The following ATAD2B variants were observed in gnomAD, a reference collection of about 807,000 sequenced individuals.
ATAD2B encodes ATPase family AAA domain containing 2B.
Under a neutral mutation model 167.6 loss-of-function variants are expected in ATAD2B, and 40 were observed. The ratio of observed to expected loss-of-function variants is 0.24; its 90% CI spans 0.19 to 0.31. ATAD2B has a LOEUF of 0.31. Among genes scored for constraint, ATAD2B ranks in the 10% least tolerant of loss-of-function variants. The pLI is 1.00. For synonymous variants in ATAD2B, 579 were observed against 596.5 expected, an observed-to-expected ratio of 0.97 and a Z score of 0.43; for missense variants, 1,242 against 1,757.2, an observed-to-expected ratio of 0.71 and a Z score of 5.24.
chr2:23,784,033 T>C (rs1401224708), intron 21 of ATAD2B, among the ~76,000 whole-genome samples: 2 of 152,064 alleles, frequency 1.3e-5, no homozygotes, highest in Admixed American at 6.6e-5. Context: ...TTTCACCTTT[T>C]AGGAACTGAA....
the ATAD2B span, among the ~76,000 whole-genome samples, chr2:23,709,967 T>C: frequency 6.6e-6 from 1 of 152,208 alleles, no homozygotes; most frequent in Non-Finnish European, 1.5e-5. Flanking sequence ...AAATTGCATT[T>C]TGCCATAAAA....
intron 13 of ATAD2B, among the ~76,000 whole-genome samples, chr2:23,834,674 T>C (rs772877705): frequency 3.3e-5 from 5 of 152,110 alleles, no homozygotes; most frequent in Non-Finnish European, 7.3e-5. Flanking sequence ...CTAAGAATAT[T>C]TGTAAATCAT....
At chr2:23,711,370 TTTTTTTTTTTTTG>T in the ATAD2B span, among the ~76,000 whole-genome samples, 3 of 97,800 alleles carry the variant, frequency 3.1e-5, no homozygotes, top group South Asian at 7.6e-4. Context: ...TTTTTTTTTT[TTTTTTTTTTTTTG>T]GAGACAGAGT....
At position 23,775,133 on chromosome 2, in the gene ATAD2B, T is replaced by C. The variant is rs369978052; in HGVS notation, c.3133+7736A>G. ...TCAGAGATGAAGGGGTACTTACAACTGGAAGGAAATCAGAAAAATCTTTCA... is the reference window on the plus strand; with the variant it reads ...TCAGAGATGAAGGGGTACTTACAACCGGAAGGAAATCAGAAAAATCTTTCA... On this transcript the variant is annotated intron_variant, in intron 22 of 27. Transcript: ENST00000238789. Among the ~76,000 whole-genome samples, 13 of 152,078 alleles carry C rather than the reference T, an allele frequency of 8.5e-5. No individual in the cohort carries two copies. The East Asian group carries it at 2.5e-3, about 29-fold the overall frequency.
intron 8 of ATAD2B, among the ~76,000 whole-genome samples, chr2:23,873,904 G>T (rs1013884896): frequency 1.3e-5 from 2 of 152,214 alleles, no homozygotes; most frequent in African/African-American, 4.8e-5. Flanking sequence ...ATCCTAGTTG[G>T]GGCTGGGCAT....
chr2:23,853,514 A>G (rs1162910654), intron 13 of ATAD2B, among the ~76,000 whole-genome samples: 3 of 152,236 alleles, frequency 2.0e-5, no homozygotes, highest in Admixed American at 6.5e-5. Context: ...AAAGATGCCT[A>G]AGATCCTTAT....
chr2:23,876,037 A>C, intron 7 of ATAD2B, 133 bp from the exon 8 acceptor site: 1 of 666,780 alleles, frequency 1.5e-6, no homozygotes, highest in Admixed American at 2.7e-5. Context: ...CTCTAACGCC[A>C]GGCTGGAATG....
At chr2:23,759,040 T>C (rs977550613) in intron 24 of ATAD2B, among the ~76,000 whole-genome samples, 5 of 152,176 alleles carry the variant, frequency 3.3e-5, no homozygotes, top group African/African-American at 1.2e-4. Context: ...AAACAAAAAG[T>C]TAACTTTTAT....
intron 18 of ATAD2B, among the ~76,000 whole-genome samples, chr2:23,801,516 A>G (rs1489352276): frequency 6.6e-6 from 1 of 152,016 alleles, no homozygotes; most frequent in Non-Finnish European, 1.5e-5. Flanking sequence ...GAAAAAAAAA[A>G]AGACAGTAGG....
At chr2:23,753,493 G>C (rs940374894) in intron 27 of ATAD2B, among the ~76,000 whole-genome samples, 2 of 152,072 alleles carry the variant, frequency 1.3e-5, no homozygotes, top group African/African-American at 4.8e-5. Context: ...GTGGGTAGAT[G>C]AGTGATTACA....
chr2:23,792,272 C>T (rs1681870797), intron 19 of ATAD2B, among the ~76,000 whole-genome samples: 1 of 151,982 alleles, frequency 6.6e-6, no homozygotes, highest in South Asian at 2.1e-4. Context: ...TGGTCTCGAT[C>T]TCCTGACCTC....
At chr2:23,791,222 T>G (rs938300679) in intron 19 of ATAD2B, among the ~76,000 whole-genome samples, 1 of 152,250 alleles carries the variant, frequency 6.6e-6, no homozygotes, top group Non-Finnish European at 1.5e-5. Context: ...TTTGCTAGTA[T>G]GAGTACAACA....
intron 14 of ATAD2B, among the ~76,000 whole-genome samples, chr2:23,832,951 T>C (rs956156918): frequency 2.6e-5 from 4 of 152,190 alleles, no homozygotes; most frequent in African/African-American, 9.7e-5. Flanking sequence ...AACACACCAA[T>C]ATGCACTGAT....
At chr2:23,857,847 T>C (rs566741610) in intron 12 of ATAD2B, among the ~76,000 whole-genome samples, 7 of 149,502 alleles carry the variant, frequency 4.7e-5, no homozygotes, top group South Asian at 2.2e-4. Context: ...ATTCACACCA[T>C]TCTCCTGCCT....
intron 17 of ATAD2B, among the ~76,000 whole-genome samples, chr2:23,817,579 A>G (rs1251250608): frequency 6.6e-6 from 1 of 152,196 alleles, no homozygotes; most frequent in East Asian, 1.9e-4. Flanking sequence ...CCCAACCATG[A>G]GACCTTCTCC....
At chr2:23,904,333 C>T (rs921614638) in intron 1 of ATAD2B, among the ~76,000 whole-genome samples, 3 of 152,088 alleles carry the variant, frequency 2.0e-5, no homozygotes, top group Non-Finnish European at 2.9e-5. Context: ...CAGAAGAAAG[C>T]TGATAAACCT....
intron 6 of ATAD2B, among the ~76,000 whole-genome samples, chr2:23,882,225 A>G (rs1377342642): frequency 1.3e-5 from 2 of 151,256 alleles, no homozygotes; most frequent in Non-Finnish European, 2.9e-5. Flanking sequence ...TTTTTTTGAA[A>G]CAGAATCTCA....
intron 19 of ATAD2B, among the ~76,000 whole-genome samples, chr2:23,796,787 G>C (rs1234942119): frequency 6.6e-6 from 1 of 152,066 alleles, no homozygotes; most frequent in African/African-American, 2.4e-5. Context: ...GGTTTCAAAA[G>C]AAATTCACGT....
In ATAD2B at chr2:23,829,038, G is replaced by A. The variant is rs376060386; in HGVS notation, c.1729-99C>T. The stretch of plus-strand genomic sequence containing the variant: ...AAATACGTTAGGTGGAACAAATTTT[G>A]ACTAACAATCCCATTAAAATTTTTA... On this transcript the variant is annotated intron_variant, in intron 14 of 27. Transcript: ENST00000238789. The A allele has an allele frequency of 5.6e-5, 40 of 718,034 alleles. No homozygotes were observed. In the South Asian group the frequency reaches 7.2e-4, roughly 13 times the overall value. The allele number at this position is 718,034 out of a possible 1,614,324, so 44.5% of individuals were successfully genotyped here. A position where few individuals can be genotyped will look rare whatever the true frequency, so the allele number is the denominator to read the frequency against.
Sources: allele counts gnomAD v4.1 joint callset (sites outside exome capture counted in the v4.1 genomes callset), GRCh38; gene constraint gnomAD v4.1.1; transcripts MANE v1.5; gene names NCBI Gene and HGNC (gene_info 2026-07-23, HGNC 2026-07-21).